The following FUT9 variants were observed in gnomAD, a reference collection of about 807,000 sequenced individuals.
FUT9 encodes the protein fucosyltransferase 9.
FUT9 carries 15 observed loss-of-function variants against 29.7 expected under a neutral mutation model. The ratio of observed to expected loss-of-function variants is 0.51; its 90% CI spans 0.34 to 0.78. The LOEUF (loss-of-function observed/expected upper bound fraction) is 0.78. FUT9 is among the 30% of genes least tolerant of loss of function. The pLI is 0.01. For missense variants in FUT9, 319 were observed against 425.4 expected, an observed-to-expected ratio of 0.75 and a Z score of 2.20; for synonymous variants, 169 against 153.7, an observed-to-expected ratio of 1.10 and a Z score of -0.74.
intron 2 of FUT9, among the ~76,000 whole-genome samples, chr6:96,177,219 A>G (rs951795984): frequency 1.3e-5 from 2 of 152,140 alleles, no homozygotes; most frequent in African/African-American, 2.4e-5. Flanking sequence ...ATCTTTTACT[A>G]TATGTCAGAA....
At chr6:96,103,920 A>G (rs1335080982) in intron 1 of FUT9, among the ~76,000 whole-genome samples, 1 of 152,224 alleles carries the variant, frequency 6.6e-6, no homozygotes, top group Non-Finnish European at 1.5e-5. Context: ...TGTATTTCCC[A>G]ATAAGGTCCC....
chr6:96,113,684 C>G (rs896083312), intron 1 of FUT9, among the ~76,000 whole-genome samples: 2 of 151,520 alleles, frequency 1.3e-5, no homozygotes, highest in African/African-American at 2.4e-5. Context: ...AACCCCACCT[C>G]TACTAAAAAT....
rs1335928778 is a variant in FUT9 at position 96,215,011 on chromosome 6, G to A, written c.*10776G>A. ...ATGAGGAGTAGTCAGTCCTAGCACT[G>A]TAGACGCCGACTTTACCAACCAAGA... On this transcript the variant is annotated 3_prime_UTR_variant, in exon 3 of 3. Coordinates refer to ENST00000302103, the MANE Select transcript of FUT9 (RefSeq NM_006581.4). 2 of 166,964 alleles carry A rather than the reference G, an allele frequency of 1.2e-5. No homozygotes were observed. The highest frequency in any genetic ancestry group is 2.9e-5 in the Non-Finnish European group (2 of 68,066). The allele number at this position is 166,964 out of a possible 1,614,324, so 10.3% of individuals were successfully genotyped here. A position where few individuals can be genotyped will look rare whatever the true frequency, so the allele number is the denominator to read the frequency against.
At chr6:96,144,672 G>A (rs1772531474) in intron 2 of FUT9, among the ~76,000 whole-genome samples, 1 of 152,070 alleles carries the variant, frequency 6.6e-6, no homozygotes, top group South Asian at 2.1e-4. Flanking sequence ...ATAAGAAATT[G>A]ATTTCATCTT....
At chr6:96,101,752 C>T (rs1396910800) in intron 1 of FUT9, among the ~76,000 whole-genome samples, 1 of 151,300 alleles carries the variant, frequency 6.6e-6, no homozygotes, top group African/African-American at 2.4e-5. Context: ...CTCTTGGGCT[C>T]CAGCTATCCT....
chr6:96,135,418 A>C (rs1449772981), intron 2 of FUT9, among the ~76,000 whole-genome samples: 1 of 151,916 alleles, frequency 6.6e-6, no homozygotes, highest in East Asian at 1.9e-4. Context: ...GCCCAAGAGA[A>C]AGGTGTTAAA....
chr6:96,073,761 T>C (rs12216516), intron 1 of FUT9, among the ~76,000 whole-genome samples: 17,678 of 152,110 alleles, frequency 0.12, 1,317 homozygotes, highest in Non-Finnish European at 0.17. Context: ...TAACAAATTG[T>C]TTCCCTCCTT....
intron 1 of FUT9, among the ~76,000 whole-genome samples, chr6:96,033,544 T>C (rs1277130888): frequency 6.6e-6 from 1 of 151,608 alleles, no homozygotes; most frequent in Admixed American, 6.6e-5. Flanking sequence ...GGCTGAAAAT[T>C]GTCCAAATCC....
chr6:96,135,025 G>A lies in FUT9; in HGVS notation c.-9+20898G>A, dbSNP rs188098432. On this transcript the variant is annotated intron_variant, in intron 2 of 2. Transcript: ENST00000302103. ...AAATTACCTGGCATTTCAAAAAGGT[G>A]CAGGTTGCTGTATTGCTTCATTGCA... Among the ~76,000 whole-genome samples, 38 of 151,846 alleles carry A rather than the reference G, an allele frequency of 2.5e-4. 1 individual carries two copies. Among genetic ancestry groups the A allele is most frequent in the African/African-American group, 8.7e-4 (36 of 41,518 alleles).
At chr6:96,094,644 C>G (rs1010749267) in intron 1 of FUT9, among the ~76,000 whole-genome samples, 2 of 152,048 alleles carry the variant, frequency 1.3e-5, no homozygotes, top group African/African-American at 2.4e-5. Flanking sequence ...GTAGAAACTA[C>G]TGTACTCAAA....
intron 1 of FUT9, among the ~76,000 whole-genome samples, chr6:96,037,735 C>A (rs960990057): frequency 9.9e-5 from 15 of 152,004 alleles, no homozygotes; most frequent in African/African-American, 3.6e-4. Context: ...ATCTTCTCTG[C>A]AGAGAAATGT....
intron 1 of FUT9, chr6:96,020,714 A>C (rs1354683217): frequency 1.3e-5 from 2 of 152,138 alleles, no homozygotes; most frequent in Admixed American, 1.3e-4. Context: ...TTTCTGGAAC[A>C]ACACTATATT....
intron 2 of FUT9, among the ~76,000 whole-genome samples, chr6:96,129,181 C>T (rs1178982622): frequency 6.7e-6 from 1 of 149,136 alleles, no homozygotes; most frequent in African/African-American, 2.5e-5. Context: ...AGGAGAATGG[C>T]ATGAACCTGG....
At chr6:96,033,421 A>G (rs1770298359) in intron 1 of FUT9, among the ~76,000 whole-genome samples, 1 of 151,674 alleles carries the variant, frequency 6.6e-6, no homozygotes, top group Admixed American at 6.6e-5. Context: ...GCCACCATTA[A>G]AATGGGGTAC....
chr6:96,124,513 G>GT (rs1160192566), intron 2 of FUT9, among the ~76,000 whole-genome samples: 1 of 151,686 alleles, frequency 6.6e-6, no homozygotes, highest in African/African-American at 2.4e-5. Context: ...TTTTATTTTT[G>GT]TTTTTTTGTT....
chr6:96,084,491 C>T (rs2127951787), intron 1 of FUT9, among the ~76,000 whole-genome samples: 1 of 152,198 alleles, frequency 6.6e-6, no homozygotes, highest in Middle Eastern at 3.4e-3. Context: ...AAAGCTAGAG[C>T]TTAAATGACT....
rs768090229 is a variant in FUT9 at position 96,212,255 on chromosome 6, GC to G, written c.*8022del. The G allele has an allele frequency of 2.4e-6, 1 of 412,720 alleles. No individual in the cohort carries two copies. Among genetic ancestry groups the G allele is most frequent in the Non-Finnish European group, 4.4e-6 (1 of 225,638 alleles). The allele number at this position is 412,720 out of a possible 1,614,324, so 25.6% of individuals were successfully genotyped here. A position where few individuals can be genotyped will look rare whatever the true frequency, so the allele number is the denominator to read the frequency against. On this transcript the variant is annotated 3_prime_UTR_variant, in exon 3 of 3. Transcript: ENST00000302103. The stretch of plus-strand genomic sequence containing the variant: ...CCTTAAATGAGATAATCCTGAAGAT[GC>G]CATCCTTGTCCAAGGTGAGATTGCC...
chr6:96,159,498 T>C (rs2127979400), intron 2 of FUT9, among the ~76,000 whole-genome samples: 1 of 152,298 alleles, frequency 6.6e-6, no homozygotes, highest in East Asian at 1.9e-4. Context: ...GACCTAGATG[T>C]CTGTAAAATG....
intron 2 of FUT9, among the ~76,000 whole-genome samples, chr6:96,164,117 G>C (rs1772966045): frequency 6.6e-6 from 1 of 152,128 alleles, no homozygotes; most frequent in Non-Finnish European, 1.5e-5. Context: ...TGTTGGGGAT[G>C]GGGGTTGGCC....
Sources: gnomAD v4.1 joint callset for allele counts (sites outside exome capture counted in the v4.1 genomes callset) on GRCh38, gnomAD v4.1.1 for gene constraint, MANE v1.5 for transcripts, NCBI Gene and HGNC (gene_info 2026-07-23, HGNC 2026-07-21) for gene names.